The following SIAE variants were observed in gnomAD, a reference collection of about 807,000 sequenced individuals.
SIAE encodes sialic acid acetylesterase, also known as sialate O-acetylesterase.
In SIAE, 39 loss-of-function variants were observed where a neutral mutation model predicts 52.6. The ratio of observed to expected loss-of-function variants is 0.74; its 90% CI spans 0.57 to 0.97. The LOEUF is 0.97. Among genes scored for constraint, SIAE ranks in the 50% least tolerant of loss-of-function variants. SIAE has a pLI of 0.00. For missense variants in SIAE, 592 were observed against 662.1 expected (o/e 0.89, Z 1.16); for synonymous variants, 233 against 241.4 (o/e 0.97, Z 0.32).
chr11:124,645,463 G>A lies in SIAE; in HGVS notation c.966+1902C>T, dbSNP rs778305997. Among the ~76,000 whole-genome samples the A allele has an allele frequency of 1.3e-5, 2 of 151,866 alleles. No individual in the cohort carries two copies. The highest frequency in any genetic ancestry group is 1.9e-4 in the East Asian group (1 of 5,170). On this transcript the variant is annotated intron_variant, in intron 7 of 9. Coordinates refer to ENST00000263593, the MANE Select transcript of SIAE (RefSeq NM_170601.5). The surrounding 1 kb of genome is among the most constrained non-coding windows in gnomAD (Gnocchi z 4.7). Reference sequence around the variant, plus strand: ...ATTACAGGGATGCGCCACCACACCCGACTAATTTTGTATTTTTAGTAGAGA... The same window carrying A: ...ATTACAGGGATGCGCCACCACACCCAACTAATTTTGTATTTTTAGTAGAGA...
At chr11:124,658,240 G>GCACACACACACACA (rs10643725) in intron 3 of SIAE, among the ~76,000 whole-genome samples, 1 of 145,180 alleles carries the variant, frequency 6.9e-6, no homozygotes, top group African/African-American at 2.5e-5. Context: ...GTGTGTCTGT[G>GCACACACACACACA]CACACACACA....
intron 7 of SIAE, 74 bp from the exon 8 acceptor site, chr11:124,639,941 G>C: frequency 6.6e-7 from 1 of 1,523,008 alleles, no homozygotes; most frequent in South Asian, 1.1e-5. Flanking sequence ...GGCAGACTCT[G>C]CTTCTGCTTC....
At chr11:124,655,440 G>A (rs1943084793) in intron 3 of SIAE, among the ~76,000 whole-genome samples, 1 of 152,180 alleles carries the variant, frequency 6.6e-6, no homozygotes, top group South Asian at 2.1e-4. Context: ...CTCCCAGAGT[G>A]CTGGGATTAC....
At chr11:124,641,236 T>C (rs567265566) in intron 7 of SIAE, among the ~76,000 whole-genome samples, 7 of 152,164 alleles carry the variant, frequency 4.6e-5, no homozygotes, top group Non-Finnish European at 7.3e-5. Context: ...AAGATTATTA[T>C]TATAGGAAAA....
chr11:124,663,936 CCT>C (rs1290350067), intron 2 of SIAE, among the ~76,000 whole-genome samples: 1 of 152,240 alleles, frequency 6.6e-6, no homozygotes, highest in Non-Finnish European at 1.5e-5. Flanking sequence ...GCTCTGCATC[CCT>C]CTTCTGGGCC....
In SIAE at chr11:124,638,700, G is replaced by T; in HGVS notation, c.1162C>A (p.Leu388Met). 6.2e-7 allele frequency: 1 copy of T among 1,614,152 alleles called. No individual in the cohort carries two copies. Among genetic ancestry groups the T allele is most frequent in the Non-Finnish European group, 8.5e-7 (1 of 1,180,022 alleles). Residue 388 changes from leucine to methionine, a missense_variant, in exon 9 of 10, where the codon CTG becomes ATG. Transcript: ENST00000263593. ...PRDKQTVAYR[L>M]HLGARALAYG... Reference sequence around the variant, plus strand: ...GCCAGAGCACGGGCCCCCAAATGCAGCCGATAAGCCACAGTCTGTTTATCT... The same window carrying T: ...GCCAGAGCACGGGCCCCCAAATGCATCCGATAAGCCACAGTCTGTTTATCT...
chr11:124,672,737 C>T (rs1565420367), intron 1 of SIAE, among the ~76,000 whole-genome samples: 1 of 152,152 alleles, frequency 6.6e-6, no homozygotes. Context: ...TTTTGTTAGA[C>T]TCTGAACAAT....
chr11:124,653,767 T>G (rs1943052492), intron 4 of SIAE, among the ~76,000 whole-genome samples: 1 of 152,212 alleles, frequency 6.6e-6, no homozygotes, highest in Admixed American at 6.5e-5. Flanking sequence ...GTTGTTTTGT[T>G]TTGTTTTATT....
intron 4 of SIAE, among the ~76,000 whole-genome samples, chr11:124,650,117 C>A (rs1432426955): frequency 6.6e-6 from 1 of 152,156 alleles, no homozygotes; most frequent in African/African-American, 2.4e-5. Flanking sequence ...GTTCTCATAA[C>A]AAGGAAATAG....
chr11:124,633,513 A>G lies in SIAE; in HGVS notation c.*3438T>C, dbSNP rs1565403404. 1 of 152,258 alleles carries G rather than the reference A, an allele frequency of 6.6e-6. No individual in the cohort carries two copies. The highest frequency in any genetic ancestry group is 1.9e-4 in the East Asian group (1 of 5,204). 9.4% of individuals were successfully genotyped at this position (152,258 alleles called of 1,614,324 possible). On this transcript the variant is annotated 3_prime_UTR_variant, in exon 10 of 10. Transcript: ENST00000263593. ...TGCCATTCATAATTGCCAATTGAGG[A>G]CAACACAAATGGGATTGGTACTTTA...
chr11:124,670,800 TC>T lies in SIAE; in HGVS notation c.68-1280del, dbSNP rs1316375507. On this transcript the variant is annotated intron_variant, in intron 1 of 9. Coordinates refer to ENST00000263593, the MANE Select transcript of SIAE (RefSeq NM_170601.5). The surrounding 1 kb of genome is among the most constrained non-coding windows in gnomAD (Gnocchi z 4.5). ...AAGAAACCTACATGACAATGAAAGA[TC>T]ACCCAGAAGGCCTACTGGGCTGGAG... 6.6e-6 allele frequency among the ~76,000 whole-genome samples: 1 copy of T among 152,138 alleles called. No individual in the cohort carries two copies. Among genetic ancestry groups the T allele is most frequent in the African/African-American group, 2.4e-5 (1 of 41,418 alleles).
Position 124,670,257 on chromosome 11 carries a change from C to T in SIAE, c.68-736G>A, listed in dbSNP as rs368779918. 7.9e-5 allele frequency among the ~76,000 whole-genome samples: 12 copies of T among 152,234 alleles called. No homozygotes were observed. In the East Asian group the frequency reaches 2.1e-3, roughly 27 times the overall value. On this transcript the variant is annotated intron_variant, in intron 1 of 9. Transcript: ENST00000263593. This position sits in a 1 kb window ranked among gnomAD's most constrained non-coding sequence, Gnocchi z 4.5. ...TCTTCTGTCACAATTTTACCCATTC[C>T]ACAAGCTAAATTATACTAAAAGGAC...
intron 9 of SIAE, 85 bp downstream of exon 9, chr11:124,638,457 A>T: frequency 6.9e-7 from 1 of 1,448,488 alleles, no homozygotes; most frequent in South Asian, 1.2e-5. Flanking sequence ...CCACATCGTA[A>T]TAACAAAAGA....
chr11:124,646,752 T>C (rs1442025948), intron 7 of SIAE, among the ~76,000 whole-genome samples: 1 of 152,192 alleles, frequency 6.6e-6, no homozygotes, highest in African/African-American at 2.4e-5. Context: ...TAATCAAGCA[T>C]ATATGCAGTG....
chr11:124,647,319 G>A, intron 7 of SIAE, 46 bp downstream of exon 7: 2 of 1,613,048 alleles, frequency 1.2e-6, no homozygotes, highest in Middle Eastern at 1.7e-4. Flanking sequence ...TCTCAACACA[G>A]GAACAGGTGT....
intron 4 of SIAE, among the ~76,000 whole-genome samples, chr11:124,652,771 C>T (rs1323859354): frequency 1.3e-5 from 2 of 151,820 alleles, no homozygotes; most frequent in Non-Finnish European, 2.9e-5. Flanking sequence ...ATCCTCTGTG[C>T]CCTTCCTAGG....
rs1942757833 is a variant in SIAE at position 124,637,050 on chromosome 11, C to T, written c.1473G>A (p.Gln491=). 6.2e-7 allele frequency: 1 copy of T among 1,614,146 alleles called. No individual in the cohort carries two copies. The highest frequency in any genetic ancestry group is 2.2e-5 in the East Asian group (1 of 44,884). ...CACTACTGGGGTGGTATAGGGGACA[C>T]TGCTTATATTCACAAGGCCACGTGG... ...AWTTWPCEYK[Q]CPLYHPSSAL... is the part of the protein sequence containing the mutation. Residue 491 remains glutamine (Q), a synonymous_variant, in exon 10 of 10, where the codon CAG becomes CAA. Transcript: ENST00000263593.
rs200739060 is a variant in SIAE, at chr11:124,654,718, G to T, written c.481C>A (p.Gln161Lys). The T allele has an allele frequency of 6.1e-5, 99 of 1,614,038 alleles. No individual in the cohort carries two copies. The highest frequency in any genetic ancestry group is 7.5e-5 in the Non-Finnish European group (89 of 1,180,038). Residue 161 changes from glutamine (Q) to lysine (K), a missense_variant, in exon 4 of 10, where the codon CAA becomes AAA. Transcript: ENST00000263593. Reference protein sequence around the residue: ...SVRILSVSPIQAEQELEDLVA... With the variant: ...SVRILSVSPIKAEQELEDLVA... The stretch of plus-strand genomic sequence containing the variant: ...AGGTCCTCCAGCTCCTGCTCTGCTT[G>T]AATGGGAGAGACAGAGAGGATGCGG...
At chr11:124,651,691 A>C (rs1331360675) in intron 4 of SIAE, among the ~76,000 whole-genome samples, 1 of 152,226 alleles carries the variant, frequency 6.6e-6, no homozygotes, top group Admixed American at 6.5e-5. Context: ...CCTAATAAAC[A>C]CTGACCTCCC....
Sources: gnomAD v4.1 joint callset for allele counts (sites outside exome capture counted in the v4.1 genomes callset) on GRCh38, gnomAD v4.1.1 for gene constraint, Gnocchi (gnomAD v3.1) non-coding constraint, MANE v1.5 for transcripts, NCBI Gene and HGNC (gene_info 2026-07-23, HGNC 2026-07-21) for gene names.